Variants in DNM3 observed in about 807,000 individuals in gnomAD.
The protein encoded by DNM3 is dynamin-3.
In DNM3, 47 loss-of-function variants were observed where a neutral mutation model predicts 101.6. The ratio of observed to expected loss-of-function variants is 0.46; its 90% CI spans 0.37 to 0.59. DNM3 has a LOEUF of 0.59. DNM3 is among the 20% of genes least tolerant of loss of function. The pLI, the probability that DNM3 is intolerant of heterozygous loss-of-function variation, is 0.00. For missense variants in DNM3, 849 were observed against 1,085.7 expected, an observed-to-expected ratio of 0.78 and a Z score of 3.06; for synonymous variants, 385 against 387.9, an observed-to-expected ratio of 0.99 and a Z score of 0.09.
intron 14 of DNM3, among the ~76,000 whole-genome samples, chr1:172,201,164 G>A (rs547371969): frequency 1.1e-4 from 17 of 152,304 alleles, no homozygotes; most frequent in African/African-American, 3.8e-4. Flanking sequence ...TGAAGCTTTA[G>A]GGTGTGATCC....
intron 1 of DNM3, among the ~76,000 whole-genome samples, chr1:171,885,821 G>T (rs1415861968): frequency 1.3e-5 from 2 of 152,100 alleles, no homozygotes; most frequent in East Asian, 3.8e-4. Flanking sequence ...CCCTTTCTAG[G>T]CCCAAGGGGT....
intron 14 of DNM3, among the ~76,000 whole-genome samples, chr1:172,237,367 T>A (rs2061584207): frequency 6.6e-6 from 1 of 152,148 alleles, no homozygotes; most frequent in African/African-American, 2.4e-5. Context: ...ACACCCAGTG[T>A]ATGTTCCAGC....
At chr1:171,943,090 A>G (rs1206694876) in intron 2 of DNM3, among the ~76,000 whole-genome samples, 1 of 152,122 alleles carries the variant, frequency 6.6e-6, no homozygotes, top group African/African-American at 2.4e-5. Context: ...CAGCCTGAGC[A>G]ACAGAGTGAA....
At chr1:172,320,363 C>T (rs2065645971) in intron 16 of DNM3, among the ~76,000 whole-genome samples, 1 of 147,710 alleles carries the variant, frequency 6.8e-6, no homozygotes, top group Admixed American at 6.9e-5. Context: ...GCACAGGTAC[C>T]CTAAATCTTA....
intron 15 of DNM3, among the ~76,000 whole-genome samples, chr1:172,295,164 T>G (rs1376319951): frequency 6.6e-6 from 1 of 152,122 alleles, no homozygotes. Context: ...CAAAGAAGCC[T>G]CTATGTTTCT....
chr1:172,347,737 G>A (rs1305726262), intron 17 of DNM3, among the ~76,000 whole-genome samples: 2 of 152,076 alleles, frequency 1.3e-5, no homozygotes, highest in Non-Finnish European at 2.9e-5. Context: ...ATAGTAGAAT[G>A]GGGAAACACA....
chr1:172,386,431 T>C (rs756515114), intron 18 of DNM3, among the ~76,000 whole-genome samples: 2 of 152,200 alleles, frequency 1.3e-5, no homozygotes, highest in African/African-American at 2.4e-5. Flanking sequence ...GACTCCCACA[T>C]AGTGTTCATA....
intron 14 of DNM3, among the ~76,000 whole-genome samples, chr1:172,207,411 A>G (rs1272737667): frequency 2.0e-5 from 3 of 152,104 alleles, no homozygotes; most frequent in Admixed American, 6.6e-5. Flanking sequence ...CCTAGTTCTC[A>G]TATAATTTTC....
chr1:171,882,519 A>G (rs1043040438), intron 1 of DNM3, among the ~76,000 whole-genome samples: 7 of 151,760 alleles, frequency 4.6e-5, no homozygotes, highest in African/African-American at 1.7e-4. Context: ...TAAACATTTC[A>G]GCATGTATTT....
At chr1:172,281,707 T>G (rs569463956) in intron 15 of DNM3, among the ~76,000 whole-genome samples, 2 of 152,236 alleles carry the variant, frequency 1.3e-5, no homozygotes, top group African/African-American at 4.8e-5. Flanking sequence ...CAGACCCCAC[T>G]CCATAATTAT....
At chr1:172,370,952 C>CTT (rs2068289292) in intron 17 of DNM3, among the ~76,000 whole-genome samples, 1 of 151,948 alleles carries the variant, frequency 6.6e-6, no homozygotes, top group Non-Finnish European at 1.5e-5. Flanking sequence ...ATATATCTTT[C>CTT]TTTACAGCCT....
chr1:172,003,302 A>G (rs188038452), intron 4 of DNM3, among the ~76,000 whole-genome samples: 83 of 152,162 alleles, frequency 5.5e-4, no homozygotes, highest in African/African-American at 1.9e-3. Context: ...TTACTCCTGG[A>G]TTCTGATGTG....
At chr1:172,207,328 T>C in intron 14 of DNM3, among the ~76,000 whole-genome samples, 1 of 152,156 alleles carries the variant, frequency 6.6e-6, no homozygotes, top group East Asian at 1.9e-4. Flanking sequence ...CTGTATTCTT[T>C]AGTCCAAACC....
At position 172,131,207 on chromosome 1, in the gene DNM3, C is replaced by T; in HGVS notation, c.1578C>T (p.Asn526=). 6.2e-7 allele frequency: 1 copy of T among 1,613,420 alleles called. No individual in the cohort carries two copies. Among genetic ancestry groups the T allele is most frequent in the Non-Finnish European group, 8.5e-7 (1 of 1,179,608 alleles). The change falls in exon 14 of 21, where the codon AAC becomes AAT. Residue 526 remains asparagine (N), a synonymous_variant. Coordinates refer to ENST00000627582, the MANE Select transcript of DNM3 (RefSeq NM_015569.5). ...GCAAGGGGTGGCTCACCATCAGCAACATTGGCATCATGAAAGGCGGCTCGA... is the reference window on the plus strand; with the variant it reads ...GCAAGGGGTGGCTCACCATCAGCAATATTGGCATCATGAAAGGCGGCTCGA... ...VIRKGWLTIS[N]IGIMKGGSKG...
At chr1:172,094,339 GC>G (rs151277843) in intron 13 of DNM3, among the ~76,000 whole-genome samples, 2,392 of 152,206 alleles carry the variant, frequency 0.016, 67 homozygotes, top group African/African-American at 0.054. Context: ...ATTGTCATAA[GC>G]ATTTAGAAAA....
intron 14 of DNM3, among the ~76,000 whole-genome samples, chr1:172,236,322 A>C (rs1285344038): frequency 6.6e-6 from 1 of 152,152 alleles, no homozygotes; most frequent in Non-Finnish European, 1.5e-5. Flanking sequence ...ATAAAAAATA[A>C]TGTAGTACGA....
chr1:172,310,211 T>C (rs1188668081), intron 16 of DNM3: 2 of 152,248 alleles, frequency 1.3e-5, no homozygotes, highest in African/African-American at 4.8e-5. Flanking sequence ...TATTACTTAT[T>C]ACTCTTCCCT....
At chr1:171,979,284 T>C (rs892196514) in intron 2 of DNM3, among the ~76,000 whole-genome samples, 1 of 152,268 alleles carries the variant, frequency 6.6e-6, no homozygotes, top group African/African-American at 2.4e-5. Flanking sequence ...CTGTTTTCTG[T>C]ATTTGGAATA....
chr1:171,890,096 C>T (rs1425090257), intron 1 of DNM3, among the ~76,000 whole-genome samples: 4 of 152,132 alleles, frequency 2.6e-5, no homozygotes. Context: ...CGCCTTTATT[C>T]TCCGAACCAT....
Sources: allele counts gnomAD v4.1 joint callset (sites outside exome capture counted in the v4.1 genomes callset), GRCh38; gene constraint gnomAD v4.1.1; transcripts MANE v1.5; gene names NCBI Gene and HGNC (gene_info 2026-07-23, HGNC 2026-07-21).